The following DNAH11 variants were observed in gnomAD, a reference collection of about 807,000 sequenced individuals.
DNAH11 encodes the protein axonemal beta dynein heavy chain 11.
A neutral mutation model predicts 526.0 loss-of-function variants in DNAH11; 442 were observed. The observed-to-expected ratio is 0.84, with a 90% CI of 0.78 to 0.91. The LOEUF (loss-of-function observed/expected upper bound fraction) is 0.91, where lower values mean the gene tolerates loss of function less well. Among genes scored for constraint, DNAH11 ranks in the 40% least tolerant of loss-of-function variants. The pLI is 0.00. For synonymous variants in DNAH11, 2,461 were observed against 1,935.9 expected (o/e 1.27, Z -7.12); for missense variants, 6,989 against 5,448.7 (o/e 1.28, Z -8.90).
chr7:21,621,491 A>C (rs951004192), intron 25 of DNAH11, among the ~76,000 whole-genome samples: 3 of 152,190 alleles, frequency 2.0e-5, no homozygotes, highest in African/African-American at 7.2e-5. Flanking sequence ...CATCATCCTG[A>C]TACCAAAGCC....
At chr7:21,685,899 T>G (rs1783354582) in intron 32 of DNAH11, among the ~76,000 whole-genome samples, 1 of 152,198 alleles carries the variant, frequency 6.6e-6, no homozygotes, top group Non-Finnish European at 1.5e-5. Flanking sequence ...CACCATTGGT[T>G]GGAGTTTGGT....
intron 60 of DNAH11, among the ~76,000 whole-genome samples, chr7:21,788,168 C>T (rs895084349): frequency 4.6e-5 from 7 of 152,138 alleles, no homozygotes; most frequent in Non-Finnish European, 7.4e-5. Flanking sequence ...TTGCTGAGTA[C>T]TTGATCTAAT....
intron 69 of DNAH11, among the ~76,000 whole-genome samples, chr7:21,863,223 C>G (rs887298970): frequency 4.6e-5 from 7 of 152,200 alleles, no homozygotes; most frequent in Non-Finnish European, 8.8e-5. Flanking sequence ...AGGTCTATGT[C>G]TTACCTATTC....
At chr7:21,871,561 C>T (rs1001243643) in intron 73 of DNAH11, among the ~76,000 whole-genome samples, 1 of 152,162 alleles carries the variant, frequency 6.6e-6, no homozygotes, top group African/African-American at 2.4e-5. Context: ...GCCCATAAGA[C>T]AGAGAATGAA....
chr7:21,683,937 A>G lies in DNAH11; in HGVS notation c.5614A>G (p.Thr1872Ala), dbSNP rs1360318884. 6.2e-7 allele frequency: 1 copy of G among 1,613,032 alleles called. No individual in the cohort carries two copies. The highest frequency in any genetic ancestry group is 1.1e-5 in the South Asian group (1 of 90,870). Reference sequence around the variant, plus strand: ...CCCTCGACTAGTGATCACTCCTCTAACTGACAGGTAACAATTCAAAGTTTC... The same window carrying G: ...CCCTCGACTAGTGATCACTCCTCTAGCTGACAGGTAACAATTCAAAGTTTC... The part of the protein sequence containing the change: ...NSPRLVITPL[T>A]DRCYITLTQS... The change falls in exon 32 of 82, where the codon ACT becomes GCT. Residue 1872 changes from threonine (T) to alanine (A), a missense_variant. By Grantham distance (58) the Thr-to-Ala change is moderately conservative. Transcript: ENST00000409508.
chr7:21,599,711 C>T (rs1482662841), intron 14 of DNAH11, 76 bp from the exon 15 acceptor site: 1 of 1,142,806 alleles, frequency 8.8e-7, no homozygotes, highest in Non-Finnish European at 1.2e-6. Context: ...CTTTTACAAA[C>T]TATTTAAACG....
At chr7:21,689,473 C>G (rs1783519709) in intron 34 of DNAH11, among the ~76,000 whole-genome samples, 1 of 152,178 alleles carries the variant, frequency 6.6e-6, no homozygotes, top group Admixed American at 6.5e-5. Context: ...AGAGATGGGA[C>G]CATGCCTCAA....
Position 21,543,194 on chromosome 7 carries a change from G to C in DNAH11, c.-52G>C. Reference sequence around the variant, plus strand: ...GTCCTCGCTCACTTCGGGGGGCCCAGAGTCTCGGGTGAGGAGCCAGCCGGC... The same window carrying C: ...GTCCTCGCTCACTTCGGGGGGCCCACAGTCTCGGGTGAGGAGCCAGCCGGC... On this transcript the variant is annotated 5_prime_UTR_variant, in exon 1 of 82. Transcript: ENST00000409508. 6.8e-7 allele frequency: 1 copy of C among 1,462,596 alleles called. No homozygotes were observed. The highest frequency in any genetic ancestry group is 1.4e-5 in the South Asian group (1 of 71,244). The allele number at this position is 1,462,596 out of a possible 1,614,324, so 90.6% of individuals were successfully genotyped here. A position where few individuals can be genotyped will look rare whatever the true frequency, so the allele number is the denominator to read the frequency against.
At position 21,552,492 on chromosome 7, in the gene DNAH11, A is replaced by G. The variant is rs192365754; in HGVS notation, c.496-6310A>G. Among the ~76,000 whole-genome samples the G allele has an allele frequency of 3.1e-3, 475 of 152,200 alleles. 4 individuals carry two copies. Among genetic ancestry groups the G allele is most frequent in the African/African-American group, 0.011 (447 of 41,508 alleles). ...TTAACTTCTTTTTCTACAAACTGCA[A>G]TTTGTTCTTAGAGACTTGCAATCTC... is the stretch of plus-strand genomic sequence containing the variant. On this transcript the variant is annotated intron_variant, in intron 2 of 81. Transcript: ENST00000409508.
chr7:21,836,207 A>G (rs976641711), intron 65 of DNAH11, among the ~76,000 whole-genome samples: 1 of 152,178 alleles, frequency 6.6e-6, no homozygotes, highest in African/African-American at 2.4e-5. Flanking sequence ...TGTAATCCTT[A>G]TGAAAATACC....
chr7:21,591,116 T>C, intron 13 of DNAH11, 69 bp from the exon 14 acceptor site: 1 of 1,482,962 alleles, frequency 6.7e-7, no homozygotes, highest in Non-Finnish European at 8.9e-7. Context: ...ATGATATTTT[T>C]ACACCTTTAA....
chr7:21,767,920 A>G (rs565479203), intron 55 of DNAH11, among the ~76,000 whole-genome samples: 2 of 152,258 alleles, frequency 1.3e-5, no homozygotes, highest in East Asian at 3.9e-4. Flanking sequence ...GTGCTTACAC[A>G]AGGTGACCCC....
intron 62 of DNAH11, among the ~76,000 whole-genome samples, chr7:21,803,592 C>G (rs1041685870): frequency 1.6e-5 from 2 of 127,916 alleles, no homozygotes; most frequent in African/African-American, 6.5e-5. Flanking sequence ...CACCCCACAC[C>G]TCCTGCCCAA....
At chr7:21,614,964 C>G (rs1441526221) in intron 20 of DNAH11, 150 bp from the exon 21 acceptor site, 5 of 897,698 alleles carry the variant, frequency 5.6e-6, no homozygotes, top group Non-Finnish European at 8.0e-6. Flanking sequence ...CTTCTAAAAC[C>G]TACATTTTGC....
At chr7:21,851,359 G>C (rs1467594181) in intron 66 of DNAH11, 1 of 304,740 alleles carries the variant, frequency 3.3e-6, no homozygotes, top group South Asian at 3.1e-5. Context: ...ACGGAACTAT[G>C]AGTCAATTAA....
rs188048701 is a variant in DNAH11 at position 21,687,186 on chromosome 7, C to A, written c.5709C>A (p.Thr1903=). 1.8e-5 allele frequency: 29 copies of A among 1,612,174 alleles called. No individual in the cohort carries two copies. Among genetic ancestry groups the A allele is most frequent in the Non-Finnish European group, 2.2e-5 (26 of 1,179,128 alleles). ...GPAGTGKTET[T]KDLGRALGMM... ...CTGGTACCGGGAAAACAGAGACCACCAAAGACCTAGGACGTGCCCTTGGCA... is the reference window on the plus strand; with the variant it reads ...CTGGTACCGGGAAAACAGAGACCACAAAAGACCTAGGACGTGCCCTTGGCA... The change falls in exon 33 of 82, where the codon ACC becomes ACA. Residue 1903 remains threonine, a synonymous_variant. Transcript: ENST00000409508.
Position 21,559,626 on chromosome 7 carries a change from T to G in DNAH11, c.716T>G (p.Ile239Arg). The G allele has an allele frequency of 6.2e-7, 1 of 1,610,170 alleles. No homozygotes were observed. The highest frequency in any genetic ancestry group is 8.5e-7 in the Non-Finnish European group (1 of 1,178,246). The change falls in exon 4 of 82, where the codon ATA becomes AGA. Residue 239 changes from isoleucine to arginine, a missense_variant. Coordinates refer to ENST00000409508, the MANE Select transcript of DNAH11 (RefSeq NM_001277115.2). ...AGGCCACCGTCAAACGAAAGGATAA[T>G]ACTTCATGCAATTGAATCTGTGGTT... ...ENKPPSNERIILHAIESVVIE... is the reference protein window; with the variant it reads ...ENKPPSNERIRLHAIESVVIE...
chr7:21,842,864 T>C (rs184922572), intron 66 of DNAH11, 116 bp downstream of exon 66: 65 of 889,044 alleles, frequency 7.3e-5, no homozygotes, highest in Middle Eastern at 2.2e-4. Context: ...TGCAACCTAA[T>C]TGGGAAAAAT....
At chr7:21,687,324 A>G (rs1180973608) in intron 33 of DNAH11, 58 bp from the exon 34 acceptor site, 29 of 1,573,266 alleles carry the variant, frequency 1.8e-5, no homozygotes, top group East Asian at 4.5e-5. Context: ...GAATTATTCA[A>G]TATAATAGCG....
Sources: gnomAD v4.1 joint callset for allele counts (sites outside exome capture counted in the v4.1 genomes callset) on GRCh38, gnomAD v4.1.1 for gene constraint, MANE v1.5 for transcripts, NCBI Gene and HGNC (gene_info 2026-07-23, HGNC 2026-07-21) for gene names.